Variants in CFAP46 observed in about 807,000 individuals in gnomAD.
CFAP46 encodes the protein cilia and flagella associated protein 46.
A neutral mutation model predicts 325.7 loss-of-function variants in CFAP46; 245 were observed. The ratio of observed to expected loss-of-function variants is 0.75; its 90% CI spans 0.68 to 0.84. The LOEUF (loss-of-function observed/expected upper bound fraction) is 0.84. CFAP46 is among the 40% of genes least tolerant of loss of function. The probability of loss-of-function intolerance (pLI) is 0.00; values close to 1 mark genes in which losing one functional copy is unlikely to be tolerated. For synonymous variants in CFAP46, 1,523 were observed against 1,495.9 expected, an observed-to-expected ratio of 1.02 and a Z score of -0.42; for missense variants, 3,346 against 3,543.0, an observed-to-expected ratio of 0.94 and a Z score of 1.41.
intron 17 of CFAP46, 60 bp downstream of exon 17, chr10:132,916,489 A>G: frequency 6.7e-7 from 1 of 1,498,704 alleles, no homozygotes; most frequent in Non-Finnish European, 8.9e-7. Flanking sequence ...GCCTGAGTGC[A>G]GGGGACACTC....
At chr10:132,937,776 G>T (rs1850032080) in intron 5 of CFAP46, 101 bp from the exon 6 acceptor site, 2 of 1,465,628 alleles carry the variant, frequency 1.4e-6, no homozygotes, top group East Asian at 4.6e-5. Context: ...GTTTCACAAA[G>T]TTTAAAAGCT....
intron 11 of CFAP46, among the ~76,000 whole-genome samples, chr10:132,923,057 G>A (rs1039307599): frequency 3.9e-5 from 6 of 152,236 alleles, no homozygotes; most frequent in East Asian, 1.9e-4. Flanking sequence ...GGCAGGGGTC[G>A]GGGTGCAGGG....
intron 10 of CFAP46, among the ~76,000 whole-genome samples, chr10:132,926,319 G>T (rs1242193676): frequency 1.3e-5 from 2 of 152,208 alleles, no homozygotes; most frequent in South Asian, 4.1e-4. Context: ...GTCAGAGGGA[G>T]TCGCATCCCA....
intron 48 of CFAP46, 147 bp from the exon 49 acceptor site, chr10:132,834,270 G>T: frequency 1.3e-6 from 1 of 741,574 alleles, no homozygotes; most frequent in South Asian, 1.8e-5. Flanking sequence ...CACTGAGGTG[G>T]GGCCGGGATG....
rs144027810 is a variant in CFAP46, at chr10:132,912,867, G to A, written c.2334-47C>T. On this transcript the variant is annotated intron_variant, in intron 18 of 57. Transcript: ENST00000368586. The stretch of plus-strand genomic sequence containing the variant: ...GGGAACCTTGGCCCCCGCAGGCCTC[G>A]CCCCGATCCCATGTGCTGAGTCCTC... 2,098 of 1,538,192 alleles carry A rather than the reference G, an allele frequency of 1.4e-3. 21 individuals are homozygous for A. The African/African-American group carries it at 0.024, about 18-fold the overall frequency.
At chr10:132,904,405 GA>G (rs34421201) in intron 22 of CFAP46, among the ~76,000 whole-genome samples, 102,421 of 152,068 alleles carry the variant, frequency 0.67, 35,495 homozygotes, top group African/African-American at 0.84. Context: ...CTCCCGCTGG[GA>G]CGCAATGACA....
intron 50 of CFAP46, among the ~76,000 whole-genome samples, chr10:132,816,641 C>T (rs1160405773): frequency 6.6e-6 from 1 of 152,202 alleles, no homozygotes; most frequent in Non-Finnish European, 1.5e-5. Flanking sequence ...CCAACTCTGA[C>T]TTCTTAAATC....
At chr10:132,837,742 C>T (rs1192208074) in intron 44 of CFAP46, among the ~76,000 whole-genome samples, 5 of 145,358 alleles carry the variant, frequency 3.4e-5, no homozygotes, top group Non-Finnish European at 7.4e-5. Flanking sequence ...CACACGTACA[C>T]AGATGCGCAC....
At chr10:132,849,836 C>G (rs943456742) in intron 41 of CFAP46, among the ~76,000 whole-genome samples, 2 of 152,194 alleles carry the variant, frequency 1.3e-5, no homozygotes, top group Non-Finnish European at 2.9e-5. Context: ...TCAGGCCCAC[C>G]CTAGGCCGCT....
chr10:132,884,384 G>A lies in CFAP46; in HGVS notation c.3627+719C>T, dbSNP rs1849091275. Among the ~76,000 whole-genome samples the A allele has an allele frequency of 6.6e-6, 1 of 152,214 alleles. No individual in the cohort carries two copies. Among genetic ancestry groups the A allele is most frequent in the East Asian group, 1.9e-4 (1 of 5,194 alleles). On this transcript the variant is annotated intron_variant, in intron 27 of 57. Transcript: ENST00000368586. The surrounding 1 kb of genome is among the most constrained non-coding windows in gnomAD (Gnocchi z 5.4). Reference sequence around the variant, plus strand: ...GATGCCAAGGGCCCCCTGGACCCCAGAACAATCCAAAGGCCTCGGGGCAGG... The same window carrying A: ...GATGCCAAGGGCCCCCTGGACCCCAAAACAATCCAAAGGCCTCGGGGCAGG...
intron 17 of CFAP46, 25 bp downstream of exon 17, chr10:132,916,524 C>G: frequency 6.5e-7 from 1 of 1,543,608 alleles, no homozygotes; most frequent in Non-Finnish European, 8.7e-7. Flanking sequence ...GGGCGGTGCT[C>G]AAGGCCACTG....
Position 132,850,364 on chromosome 10 carries a change from C to T in CFAP46, c.5832G>A (p.Leu1944=). 4 of 1,567,832 alleles carry T rather than the reference C, an allele frequency of 2.6e-6. No homozygotes were observed. The highest frequency in any genetic ancestry group is 1.2e-5 in the South Asian group (1 of 85,396). Residue 1944 remains leucine (L), a synonymous_variant, in exon 41 of 58, where the codon CTG becomes CTA. Coordinates refer to ENST00000368586, the MANE Select transcript of CFAP46 (RefSeq NM_001200049.3). ...CGCGGATCTCCACACAGCCCACGCT[C>T]AGCGGCTGCAGGCTCCCCAGCTGTG... ...ALAQLGSLQP[L]SVGCVEIRAR...
At chr10:132,942,406 GGGC>G in intron 1 of CFAP46, 27 bp downstream of exon 1, 1 of 1,363,938 alleles carries the variant, frequency 7.3e-7, no homozygotes, top group Non-Finnish European at 9.4e-7. Context: ...GGCCTCCCCG[GGGC>G]GGGGGTCGTG....
intron 9 of CFAP46, among the ~76,000 whole-genome samples, chr10:132,927,429 C>A (rs539608957): frequency 6.6e-6 from 1 of 152,042 alleles, no homozygotes; most frequent in South Asian, 2.1e-4. Flanking sequence ...AGGTCCTCGG[C>A]GGCAGACGTC....
intron 38 of CFAP46, 83 bp from the exon 39 acceptor site, chr10:132,857,871 ATATTT>A (rs1848666595): frequency 8.6e-7 from 1 of 1,169,502 alleles, no homozygotes; most frequent in South Asian, 1.7e-5. Context: ...ATCATACTGT[ATATTT>A]TATTAGTGCT....
At chr10:132,821,335 T>C (rs1469588944) in intron 50 of CFAP46, among the ~76,000 whole-genome samples, 4 of 140,640 alleles carry the variant, frequency 2.8e-5, no homozygotes, top group African/African-American at 1.1e-4. Flanking sequence ...AGTGCTGATG[T>C]GTGCTGTGTG....
intron 50 of CFAP46, among the ~76,000 whole-genome samples, chr10:132,823,992 CTTGT>C (rs1847965197): frequency 2.6e-5 from 2 of 77,842 alleles, no homozygotes; most frequent in African/African-American, 7.0e-5. Flanking sequence ...GTGTGTGCTG[CTTGT>C]TTGTGCTGTG....
In CFAP46 at chr10:132,877,328, G is replaced by A. The variant is rs927787823; in HGVS notation, c.4213-367C>T. Among the ~76,000 whole-genome samples, 2 of 152,180 alleles carry A rather than the reference G, an allele frequency of 1.3e-5. No individual in the cohort carries two copies. The highest frequency in any genetic ancestry group is 2.1e-4 in the South Asian group (1 of 4,826). ...GCGTCCCATGAACTCAGCAGTGCTC[G>A]TGCCGGGGTCCAGGTGTGAGCGTCC... is the stretch of plus-strand genomic sequence containing the variant. On this transcript the variant is annotated intron_variant, in intron 30 of 57. Coordinates refer to ENST00000368586, the MANE Select transcript of CFAP46 (RefSeq NM_001200049.3). The surrounding 1 kb of genome is among the most constrained non-coding windows in gnomAD (Gnocchi z 5.7).
rs958247742 is a variant in CFAP46, at chr10:132,866,147, C to T, written c.4768G>A (p.Gly1590Arg). ...AAGGACGTCCCATCCAGGTCCCTCC[C>T]GGTCTCCCCATTCATCTTCAAAATC... ...DKILKMNGET[G>R]RDLDGTSFPH... Residue 1590 changes from glycine (G) to arginine (R), a missense_variant, in exon 35 of 58, where the codon GGG becomes AGG. Transcript: ENST00000368586. 9.1e-6 allele frequency: 14 copies of T among 1,535,884 alleles called. No individual in the cohort carries two copies. The highest frequency in any genetic ancestry group is 4.1e-5 in the African/African-American group (3 of 72,420).
Sources: allele counts gnomAD v4.1 joint callset (sites outside exome capture counted in the v4.1 genomes callset), GRCh38; gene constraint gnomAD v4.1.1; non-coding constraint Gnocchi (gnomAD v3.1); transcripts MANE v1.5; gene names NCBI Gene and HGNC (gene_info 2026-07-23, HGNC 2026-07-21).